Variants in MTUS2 observed in about 807,000 individuals in gnomAD.
MTUS2 encodes the protein microtubule associated scaffold protein 2.
Under a neutral mutation model 114.1 loss-of-function variants are expected in MTUS2, and 40 were observed. The observed-to-expected ratio is 0.35, with a 90% CI of 0.27 to 0.46. The LOEUF (loss-of-function observed/expected upper bound fraction) is 0.46, where lower values mean the gene tolerates loss of function less well. Ranked by LOEUF, MTUS2 falls within the 20% of genes least tolerant of loss-of-function variation. The pLI, the probability that MTUS2 is intolerant of heterozygous loss-of-function variation, is 1.00. For missense variants in MTUS2, 1,679 were observed against 1,705.4 expected (o/e 0.98, Z 0.27); for synonymous variants, 688 against 672.0 (o/e 1.02, Z -0.37).
At chr13:28,952,459 T>C (rs543676212) in intron 2 of MTUS2, among the ~76,000 whole-genome samples, 1 of 152,378 alleles carries the variant, frequency 6.6e-6, no homozygotes, top group Admixed American at 6.5e-5. Context: ...TAACTGCATC[T>C]CTTTTTTCCT....
intron 5 of MTUS2, among the ~76,000 whole-genome samples, chr13:29,132,418 G>C (rs1451705300): frequency 1.3e-5 from 2 of 152,140 alleles, no homozygotes; most frequent in African/African-American, 4.8e-5. Flanking sequence ...GTACAGTTCA[G>C]TGGCAGTAAG....
intron 2 of MTUS2, among the ~76,000 whole-genome samples, chr13:29,013,207 C>T (rs2138429188): frequency 6.6e-6 from 1 of 152,250 alleles, no homozygotes; most frequent in East Asian, 1.9e-4. Context: ...TTAATGAACA[C>T]AAGCACATAA....
chr13:29,407,771 G>A (rs1371809140), intron 8 of MTUS2, among the ~76,000 whole-genome samples: 2 of 151,982 alleles, frequency 1.3e-5, no homozygotes. Flanking sequence ...AAGCCACCAC[G>A]CCTGGCCCTG....
chr13:29,118,031 G>A (rs1450530334), intron 5 of MTUS2, among the ~76,000 whole-genome samples: 6 of 152,140 alleles, frequency 3.9e-5, no homozygotes, highest in African/African-American at 1.4e-4. Flanking sequence ...CAGTGGCTTT[G>A]AAGGTGCATG....
At chr13:29,137,418 A>G (rs540725478) in intron 5 of MTUS2, among the ~76,000 whole-genome samples, 1 of 151,600 alleles carries the variant, frequency 6.6e-6, no homozygotes, top group South Asian at 2.1e-4. Context: ...ATTTTTGGCC[A>G]TTATTTCTTC....
intron 2 of MTUS2, among the ~76,000 whole-genome samples, chr13:28,892,539 T>G (rs965721727): frequency 6.6e-6 from 1 of 152,132 alleles, no homozygotes; most frequent in Non-Finnish European, 1.5e-5. Flanking sequence ...TTAAAAAAAT[T>G]TGTGCTATTT....
At position 29,483,256 on chromosome 13, in the gene MTUS2, G is replaced by A. The variant is rs557783722; in HGVS notation, c.3399+2892G>A. The stretch of plus-strand genomic sequence containing the variant: ...GCAGGTGCTGCTTCAGTTCTGACAC[G>A]CAGGATTTTCTGAGGCCGCAAATAT... On this transcript the variant is annotated intron_variant, in intron 10 of 15. Transcript: ENST00000612955. Among the ~76,000 whole-genome samples the A allele has an allele frequency of 2.0e-5, 3 of 152,322 alleles. No individual in the cohort carries two copies. In the East Asian group the frequency reaches 5.8e-4, roughly 29 times the overall value.
chr13:28,897,037 C>A (rs1399521507), intron 2 of MTUS2, among the ~76,000 whole-genome samples: 3 of 151,844 alleles, frequency 2.0e-5, no homozygotes, highest in East Asian at 1.9e-4. Flanking sequence ...GCAACAAAAG[C>A]CAAAATTGAC....
At chr13:29,301,976 C>T (rs555837761) in intron 6 of MTUS2, among the ~76,000 whole-genome samples, 6 of 152,138 alleles carry the variant, frequency 3.9e-5, no homozygotes, top group Non-Finnish European at 7.3e-5. Context: ...AAGCACTAAT[C>T]CCATTCCTGA....
chr13:29,465,834 C>T (rs959121308), intron 9 of MTUS2, among the ~76,000 whole-genome samples: 3 of 152,242 alleles, frequency 2.0e-5, no homozygotes, highest in South Asian at 4.1e-4. Context: ...AGTTAAAGGT[C>T]GCTTCTCTAA....
At chr13:28,909,524 G>A (rs1465538888) in intron 2 of MTUS2, among the ~76,000 whole-genome samples, 1 of 152,104 alleles carries the variant, frequency 6.6e-6, no homozygotes, top group Non-Finnish European at 1.5e-5. Flanking sequence ...TTTATGGGAT[G>A]TATCTGAAAA....
chr13:29,207,910 G>T (rs111491131), intron 5 of MTUS2, among the ~76,000 whole-genome samples: 3,767 of 152,036 alleles, frequency 0.025, 149 homozygotes, highest in African/African-American at 0.086. Flanking sequence ...GTTCTTTCCT[G>T]GTTTTAGTAT....
chr13:29,387,067 C>T (rs1788403106), intron 8 of MTUS2, among the ~76,000 whole-genome samples: 1 of 152,158 alleles, frequency 6.6e-6, no homozygotes, highest in Non-Finnish European at 1.5e-5. Context: ...ATGCTAGGCA[C>T]TGGGGATTGA....
At chr13:29,028,652 T>A (rs1015270424) in intron 3 of MTUS2, among the ~76,000 whole-genome samples, 3 of 151,952 alleles carry the variant, frequency 2.0e-5, no homozygotes, top group Admixed American at 6.6e-5. Context: ...CCATCTTCTC[T>A]CTGAATCCCT....
chr13:29,446,054 A>G (rs773139240), intron 9 of MTUS2, among the ~76,000 whole-genome samples: 6 of 152,186 alleles, frequency 3.9e-5, no homozygotes, highest in Non-Finnish European at 7.3e-5. Flanking sequence ...AAAGTCAAAC[A>G]GGGACCCTAC....
chr13:29,323,038 G>A (rs1437810151), intron 6 of MTUS2, among the ~76,000 whole-genome samples: 1 of 152,178 alleles, frequency 6.6e-6, no homozygotes, highest in Non-Finnish European at 1.5e-5. Context: ...GGATCCTTTT[G>A]TTGACAATTG....
chr13:29,159,145 G>A (rs1892991601), intron 5 of MTUS2, among the ~76,000 whole-genome samples: 1 of 152,076 alleles, frequency 6.6e-6, no homozygotes, highest in South Asian at 2.1e-4. Context: ...TTTTAAAAAA[G>A]TTTATATATA....
intron 2 of MTUS2, among the ~76,000 whole-genome samples, chr13:29,010,838 G>A (rs891469347): frequency 8.5e-5 from 13 of 152,128 alleles, no homozygotes; most frequent in African/African-American, 3.1e-4. Context: ...GAGAAGGGGA[G>A]TCAGTGTATA....
intron 5 of MTUS2, among the ~76,000 whole-genome samples, chr13:29,218,600 G>T (rs1189775449): frequency 6.6e-6 from 1 of 152,206 alleles, no homozygotes; most frequent in Non-Finnish European, 1.5e-5. Flanking sequence ...AGGCTTGAAA[G>T]TCATAATTAC....
Sources: gnomAD v4.1 joint callset for allele counts (sites outside exome capture counted in the v4.1 genomes callset) on GRCh38, gnomAD v4.1.1 for gene constraint, MANE v1.5 for transcripts, NCBI Gene and HGNC (gene_info 2026-07-23, HGNC 2026-07-21) for gene names.